TXNDC8: variants seen among roughly 807,000 people sequenced by gnomAD.
The protein encoded by TXNDC8 is thioredoxin domain-containing protein 8.
TXNDC8 carries 15 observed loss-of-function variants against 12.9 expected under a neutral mutation model. The observed-to-expected ratio is 1.16, with a 90% CI of 0.78 to 1.79. The LOEUF is 1.79. TXNDC8 is among the 40% of genes most tolerant of loss of function. The probability of loss-of-function intolerance (pLI) is 0.00; values close to 1 mark genes in which losing one functional copy is unlikely to be tolerated. For missense variants in TXNDC8, 128 were observed against 113.2 expected (o/e 1.13, Z -0.59); for synonymous variants, 40 against 35.4 (o/e 1.13, Z -0.46).
chr9:110,305,592 TTCTTTC>T (rs1181319582), intron 3 of TXNDC8, among the ~76,000 whole-genome samples: 3 of 138,240 alleles, frequency 2.2e-5, no homozygotes, highest in African/African-American at 6.6e-5. Context: ...CTTTCTTTCT[TTCTTTC>T]TTTCTTTCTT....
chr9:110,329,316 C>T, intron 2 of TXNDC8, 25 bp from the exon 3 acceptor site: 1 of 1,569,562 alleles, frequency 6.4e-7, no homozygotes, highest in South Asian at 1.1e-5. Context: ...ATAAATATTT[C>T]CCATTAGTTT....
chr9:110,305,546 T>TTTTCTCTTTC (rs1554700782), intron 3 of TXNDC8, among the ~76,000 whole-genome samples: 1 of 115,416 alleles, frequency 8.7e-6, no homozygotes, highest in African/African-American at 3.3e-5. Context: ...TGTATTTTCT[T>TTTTCTCTTTC]TTTCTTTCTT....
chr9:110,301,514 A>G (rs988214148), downstream of TXNDC8, among the ~76,000 whole-genome samples: 2 of 152,114 alleles, frequency 1.3e-5, no homozygotes, highest in Admixed American at 6.6e-5. Flanking sequence ...GGTGCCCACC[A>G]TCTCCACCCC....
intron 3 of TXNDC8, among the ~76,000 whole-genome samples, chr9:110,324,978 G>T (rs114388142): frequency 0.12 from 18,305 of 152,072 alleles, 1,291 homozygotes; most frequent in African/African-American, 0.2. Flanking sequence ...TGGGCATGTT[G>T]GTTCTTGCCT....
At chr9:110,328,808 C>A (rs1839437417) in intron 2 of TXNDC8, among the ~76,000 whole-genome samples, 2 of 152,144 alleles carry the variant, frequency 1.3e-5, no homozygotes, top group Admixed American at 6.5e-5. Flanking sequence ...CTCTGTCCCC[C>A]ACCCCCCAAA....
chr9:110,323,673 C>T, intron 3 of TXNDC8: 1 of 536,842 alleles, frequency 1.9e-6, no homozygotes, highest in Non-Finnish European at 2.8e-6. Context: ...GTTTACATAG[C>T]TGAAGAATCT....
At chr9:110,321,724 GAA>G (rs60564039) in intron 3 of TXNDC8, among the ~76,000 whole-genome samples, 30,834 of 141,778 alleles carry the variant, frequency 0.22, 3,517 homozygotes, top group East Asian at 0.47. Flanking sequence ...TCAGTTCTAT[GAA>G]AAAAAAAAAA....
intron 3 of TXNDC8, among the ~76,000 whole-genome samples, chr9:110,311,521 G>GGTATATATA (rs1491185921): frequency 4.1e-4 from 17 of 41,244 alleles, no homozygotes; most frequent in African/African-American, 9.0e-4. Flanking sequence ...AAATAAAGAG[G>GGTATATATA]TATATATATA....
At chr9:110,324,348 A>C (rs1188932847) in intron 3 of TXNDC8, among the ~76,000 whole-genome samples, 1 of 152,206 alleles carries the variant, frequency 6.6e-6, no homozygotes, top group African/African-American at 2.4e-5. Flanking sequence ...AAATGAGGGA[A>C]TATGTAGTGT....
intron 1 of TXNDC8, 88 bp from the exon 2 acceptor site, chr9:110,334,408 T>C: frequency 7.8e-7 from 1 of 1,288,594 alleles, no homozygotes; most frequent in South Asian, 1.3e-5. Context: ...TTAGTTTTGG[T>C]TTTGTTTTTG....
At position 110,304,482 on chromosome 9, in the gene TXNDC8, T is replaced by G. The variant is rs1391751209; in HGVS notation, c.246A>C (p.Gly82=). Residue 82 remains glycine (G), a synonymous_variant, in exon 4 of 5, where the codon GGA becomes GGC. Transcript: ENST00000423740. ...TTTCACTTACCAGGTTGCTCATGAA[T>G]CCACTTCTATAACAGCAAATTATTC... 6.2e-7 allele frequency: 1 copy of G among 1,610,238 alleles called. No individual in the cohort carries two copies. The highest frequency in any genetic ancestry group is 1.7e-5 in the Admixed American group (1 of 59,830).
At chr9:110,305,658 TTC>T (rs1481397881) in intron 3 of TXNDC8, among the ~76,000 whole-genome samples, 3 of 96,566 alleles carry the variant, frequency 3.1e-5, no homozygotes, top group African/African-American at 1.0e-4. Context: ...ATTTTCTTCT[TTC>T]TTTCTTTCTC....
chr9:110,302,345 A>G (rs1273462317), downstream of TXNDC8, among the ~76,000 whole-genome samples: 1 of 152,150 alleles, frequency 6.6e-6, no homozygotes, highest in African/African-American at 2.4e-5. Flanking sequence ...CATGTTGCCC[A>G]GGCTGGTCTC....
rs1183895081 is a variant in TXNDC8 at position 110,303,567 on chromosome 9, C to T, written c.*115G>A. 4 of 1,538,390 alleles carry T rather than the reference C, an allele frequency of 2.6e-6. No homozygotes were observed. The highest frequency in any genetic ancestry group is 2.6e-6 in the Non-Finnish European group (3 of 1,137,072). ...GGCTTCCAATTTTTTAGCATCGGCTCCACAAAACTCAAAAATCTGTTCACA... is the reference window on the plus strand; with the variant it reads ...GGCTTCCAATTTTTTAGCATCGGCTTCACAAAACTCAAAAATCTGTTCACA... On this transcript the variant is annotated 3_prime_UTR_variant, in exon 5 of 5. Coordinates refer to ENST00000423740, the MANE Select transcript of TXNDC8 (RefSeq NM_001286946.2).
chr9:110,311,352 A>C (rs1006762130), intron 3 of TXNDC8, among the ~76,000 whole-genome samples: 1 of 151,406 alleles, frequency 6.6e-6, no homozygotes, highest in Admixed American at 6.6e-5. Flanking sequence ...TTTTTCAATA[A>C]AAATATATTG....
intron 3 of TXNDC8, among the ~76,000 whole-genome samples, chr9:110,311,785 G>A (rs1838697456): frequency 7.4e-6 from 1 of 135,574 alleles, no homozygotes; most frequent in South Asian, 2.2e-4. Flanking sequence ...ACTATATATG[G>A]ATATACTATA....
intron 3 of TXNDC8, chr9:110,322,473 G>A: frequency 1.0e-6 from 1 of 985,398 alleles, no homozygotes; most frequent in Non-Finnish European, 1.2e-6. Context: ...AGATATAATT[G>A]TTTATAAATG....
chr9:110,328,049 AT>A (rs1274066562), intron 2 of TXNDC8, among the ~76,000 whole-genome samples: 6 of 152,212 alleles, frequency 3.9e-5, no homozygotes, highest in African/African-American at 1.2e-4. Context: ...GCACCATGTC[AT>A]TTATTTAATG....
At chr9:110,319,548 A>G (rs1386187100) in intron 3 of TXNDC8, among the ~76,000 whole-genome samples, 1 of 152,200 alleles carries the variant, frequency 6.6e-6, no homozygotes. Flanking sequence ...GTTATGGTAC[A>G]TTGCCACTAA....
Sources: allele counts gnomAD v4.1 joint callset (sites outside exome capture counted in the v4.1 genomes callset), GRCh38; gene constraint gnomAD v4.1.1; transcripts MANE v1.5; gene names NCBI Gene and HGNC (gene_info 2026-07-23, HGNC 2026-07-21).